Variants in LRSAM1 observed in about 807,000 individuals in gnomAD.
LRSAM1 encodes E3 ubiquitin-protein ligase LRSAM1.
LRSAM1 carries 96 observed loss-of-function variants against 118.1 expected under a neutral mutation model. The ratio of observed to expected loss-of-function variants is 0.81; its 90% CI spans 0.69 to 0.96. The LOEUF (loss-of-function observed/expected upper bound fraction) is 0.96, where lower values mean the gene tolerates loss of function less well. Ranked by LOEUF, LRSAM1 falls within the 40% of genes least tolerant of loss-of-function variation. The pLI, the probability that LRSAM1 is intolerant of heterozygous loss-of-function variation, is 0.00. For missense variants in LRSAM1, 804 were observed against 915.5 expected (o/e 0.88, Z 1.57); for synonymous variants, 322 against 364.2 (o/e 0.88, Z 1.32).
chr9:127,466,281 C>T (rs867256146), intron 9 of LRSAM1, among the ~76,000 whole-genome samples: 22 of 151,866 alleles, frequency 1.4e-4, no homozygotes, highest in Middle Eastern at 3.4e-3. Flanking sequence ...TGCACTCCAG[C>T]CTGCCACACA....
At chr9:127,462,843 G>GA (rs993726644) in intron 9 of LRSAM1, among the ~76,000 whole-genome samples, 1 of 140,692 alleles carries the variant, frequency 7.1e-6, no homozygotes, top group African/African-American at 2.6e-5. Context: ...AGTTGCAGAA[G>GA]AAAAAAAAAG....
chr9:127,491,817 C>G (rs1052648732), intron 20 of LRSAM1, among the ~76,000 whole-genome samples: 6 of 152,216 alleles, frequency 3.9e-5, no homozygotes, highest in Non-Finnish European at 7.3e-5. Context: ...GCGTCCTGGA[C>G]TGGATGCCTG....
chr9:127,480,048 G>A, intron 14 of LRSAM1, 70 bp downstream of exon 14: 1 of 1,604,360 alleles, frequency 6.2e-7, no homozygotes, highest in Non-Finnish European at 8.5e-7. Context: ...GCCGGGAGGA[G>A]TGTGTTTCTC....
At chr9:127,477,459 A>G (rs1835380954) in intron 11 of LRSAM1, among the ~76,000 whole-genome samples, 1 of 152,240 alleles carries the variant, frequency 6.6e-6, no homozygotes, top group South Asian at 2.1e-4. Flanking sequence ...CATTCAAAAA[A>G]TACCTGTGTG....
chr9:127,468,674 G>A (rs1463972165), intron 10 of LRSAM1, among the ~76,000 whole-genome samples: 1 of 151,976 alleles, frequency 6.6e-6, no homozygotes, highest in East Asian at 1.9e-4. Flanking sequence ...ATAAAAGATT[G>A]GTACCTTAGA....
intron 11 of LRSAM1, among the ~76,000 whole-genome samples, chr9:127,478,205 A>T (rs1835409261): frequency 6.6e-6 from 1 of 152,250 alleles, no homozygotes; most frequent in South Asian, 2.1e-4. Context: ...TAAACAATAC[A>T]GACAATTACA....
chr9:127,463,499 A>T (rs1371247393), intron 9 of LRSAM1, among the ~76,000 whole-genome samples: 1 of 152,106 alleles, frequency 6.6e-6, no homozygotes, highest in Non-Finnish European at 1.5e-5. Flanking sequence ...CTTGGCTTGT[A>T]GGTGCTGTCT....
chr9:127,497,621 C>T (rs1244785365), intron 24 of LRSAM1, among the ~76,000 whole-genome samples: 4 of 152,210 alleles, frequency 2.6e-5, no homozygotes, highest in East Asian at 1.9e-4. Flanking sequence ...ACCCTACAGA[C>T]GCTGGGATCC....
At position 127,487,535 on chromosome 9, in the gene LRSAM1, A is replaced by G; in HGVS notation, c.1260-141A>G. On this transcript the variant is annotated intron_variant, in intron 17 of 25. Coordinates refer to ENST00000300417, the MANE Select transcript of LRSAM1 (RefSeq NM_001005373.4). ...CAGACTCAGTGTCTGTGGCCCACCC[A>G]GGGCCCGGCTCCCAGCAGGTACTCC... is the stretch of plus-strand genomic sequence containing the variant. The G allele has an allele frequency of 6.8e-6, 5 of 736,808 alleles. No individual in the cohort carries two copies. The South Asian group carries it at 7.5e-5, about 11-fold the overall frequency. The allele number at this position is 736,808 out of a possible 1,614,324, so 45.6% of individuals were successfully genotyped here. A position where few individuals can be genotyped will look rare whatever the true frequency, so the allele number is the denominator to read the frequency against.
At chr9:127,489,423 G>A (rs1835847440) in intron 18 of LRSAM1, 21 bp from the exon 19 acceptor site, 1 of 1,599,358 alleles carries the variant, frequency 6.3e-7, no homozygotes, top group East Asian at 2.2e-5. Flanking sequence ...CCCTGCTGAG[G>A]GCTGGTGGTC....
intron 21 of LRSAM1, among the ~76,000 whole-genome samples, chr9:127,494,024 C>G (rs1486785710): frequency 6.6e-6 from 1 of 152,248 alleles, no homozygotes; most frequent in Non-Finnish European, 1.5e-5. Context: ...CTACTGCCAT[C>G]TCCTACGCAT....
In LRSAM1 at chr9:127,489,525, G is replaced by C. The variant is rs769842908; in HGVS notation, c.1422+7G>C. The C allele has an allele frequency of 6.2e-7, 1 of 1,603,266 alleles. No individual in the cohort carries two copies. The highest frequency in any genetic ancestry group is 8.5e-7 in the Non-Finnish European group (1 of 1,176,406). On this transcript the variant is annotated splice_region_variant and intron_variant, in intron 19 of 25. Coordinates refer to ENST00000300417, the MANE Select transcript of LRSAM1 (RefSeq NM_001005373.4). ...TCGGCAGATCAGGAGCCAGGTGAGC[G>C]CTGGGGCTGGGGTCCCTGGACCTGC...
intron 10 of LRSAM1, among the ~76,000 whole-genome samples, chr9:127,472,423 C>T (rs1423774272): frequency 6.6e-6 from 1 of 151,936 alleles, no homozygotes; most frequent in Non-Finnish European, 1.5e-5. Flanking sequence ...TGGCAGATCC[C>T]CTGAGGTCAG....
At chr9:127,476,247 C>T (rs992735104) in intron 11 of LRSAM1, among the ~76,000 whole-genome samples, 5 of 152,148 alleles carry the variant, frequency 3.3e-5, no homozygotes, top group Admixed American at 6.6e-5. Flanking sequence ...ATTTGAGCCT[C>T]GGCTCGCTGG....
At chr9:127,491,324 C>T in intron 20 of LRSAM1, 29 bp downstream of exon 20, 1 of 1,586,974 alleles carries the variant, frequency 6.3e-7, no homozygotes, top group South Asian at 1.1e-5. Flanking sequence ...CCCTGCCCTC[C>T]TTCACGTGGT....
chr9:127,499,529 TA>T (rs34940320), intron 24 of LRSAM1, among the ~76,000 whole-genome samples: 15,694 of 114,926 alleles, frequency 0.14, 1,282 homozygotes, highest in Admixed American at 0.31. Flanking sequence ...AGACCCTGTC[TA>T]AAAAAAAATA....
intron 10 of LRSAM1, chr9:127,470,743 T>C (rs1055751129): frequency 5.3e-5 from 8 of 151,970 alleles, no homozygotes; most frequent in Non-Finnish European, 1.2e-4. Flanking sequence ...CAATGTGGAG[T>C]GTGAGGAGCC....
chr9:127,455,762 T>G (rs1463383447), intron 5 of LRSAM1, 142 bp downstream of exon 5: 1 of 806,314 alleles, frequency 1.2e-6, no homozygotes, highest in African/African-American at 1.7e-5. Flanking sequence ...CAGCAGGTGT[T>G]TTCACAGATA....
chr9:127,473,676 C>A, intron 10 of LRSAM1, 125 bp from the exon 11 acceptor site: 1 of 1,360,670 alleles, frequency 7.3e-7, no homozygotes, highest in Non-Finnish European at 1.0e-6. Flanking sequence ...AGCGCCCAGG[C>A]TAGGGAAGAG....
Sources: allele counts gnomAD v4.1 joint callset (sites outside exome capture counted in the v4.1 genomes callset), GRCh38; gene constraint gnomAD v4.1.1; transcripts MANE v1.5; gene names NCBI Gene and HGNC (gene_info 2026-07-23, HGNC 2026-07-21).